CDCA7L: variants seen among roughly 807,000 people sequenced by gnomAD.
CDCA7L encodes the protein cell division cycle-associated 7-like protein.
In CDCA7L, 44 loss-of-function variants were observed where a neutral mutation model predicts 57.4. That is an observed-to-expected ratio of 0.77 (90% CI 0.60 to 0.98). The LOEUF (loss-of-function observed/expected upper bound fraction) is 0.98. Among genes scored for constraint, CDCA7L ranks in the 50% least tolerant of loss-of-function variants. CDCA7L has a pLI of 0.00. For missense variants in CDCA7L, 644 were observed against 580.6 expected, an observed-to-expected ratio of 1.11 and a Z score of -1.12; for synonymous variants, 236 against 202.8, an observed-to-expected ratio of 1.16 and a Z score of -1.39.
intron 4 of CDCA7L, 64 bp downstream of exon 4, chr7:21,908,066 G>A (rs1785194961): frequency 1.3e-6 from 2 of 1,482,220 alleles, no homozygotes; most frequent in Non-Finnish European, 1.8e-6. Context: ...AGTGGTTCTG[G>A]GAGCCCAGCA....
rs549386082 is a variant in CDCA7L, at chr7:21,945,686, G to A, written c.24+95C>T. On this transcript the variant is annotated intron_variant, in intron 1 of 9. Transcript: ENST00000406877. ...CCAGATCCCCAGTGCCGCAGCCAAG[G>A]GCCACGTTTCCAGCCCAAGGCCAGC... The A allele has an allele frequency of 5.8e-4, 874 of 1,500,598 alleles. 8 individuals are homozygous for A. The African/African-American group carries it at 0.011, about 19-fold the overall frequency. The allele number at this position is 1,500,598 out of a possible 1,614,324, so 93.0% of individuals were successfully genotyped here. A position where few individuals can be genotyped will look rare whatever the true frequency, so the allele number is the denominator to read the frequency against.
intron 1 of CDCA7L, among the ~76,000 whole-genome samples, chr7:21,939,424 T>C (rs950592609): frequency 3.9e-5 from 6 of 152,204 alleles, no homozygotes; most frequent in African/African-American, 1.4e-4. Flanking sequence ...TCATTTTAGA[T>C]ATGTATTTAC....
At chr7:21,903,946 G>T (rs780239903) in intron 8 of CDCA7L, 164 bp downstream of exon 8, 4 of 573,248 alleles carry the variant, frequency 7.0e-6, no homozygotes, top group Non-Finnish European at 1.1e-5. Flanking sequence ...CCTTCCAGAA[G>T]GAATCCCTAT....
chr7:21,945,466 G>T, intron 1 of CDCA7L, among the ~76,000 whole-genome samples: 1 of 152,050 alleles, frequency 6.6e-6, no homozygotes, highest in East Asian at 1.9e-4. Context: ...TCTCACGAGG[G>T]CTGCAAACGC....
At chr7:21,910,389 A>T (rs1241415433) in intron 3 of CDCA7L, among the ~76,000 whole-genome samples, 1 of 152,160 alleles carries the variant, frequency 6.6e-6, no homozygotes, top group Non-Finnish European at 1.5e-5. Context: ...CATAGCAAAA[A>T]ATCACTATCA....
chr7:21,904,011 T>G, intron 8 of CDCA7L, 99 bp downstream of exon 8: 2 of 1,163,158 alleles, frequency 1.7e-6, no homozygotes, highest in Admixed American at 3.3e-5. Context: ...ACCAGAGTTC[T>G]GGAGCTCCCT....
In CDCA7L at chr7:21,934,780, AAT is replaced by A. The variant is rs1231863588; in HGVS notation, c.24+10999_24+11000del. Among the ~76,000 whole-genome samples, 3 of 152,328 alleles carry A rather than the reference AAT, an allele frequency of 2.0e-5. No individual in the cohort carries two copies. In the South Asian group the frequency reaches 6.2e-4, roughly 32 times the overall value. ...AAAAGAGAGATGGAGTGGCTATACTAATATGAGACAAAATAGTCAAAAACTGT... is the reference window on the plus strand; with the variant it reads ...AAAAGAGAGATGGAGTGGCTATACTAATGAGACAAAATAGTCAAAAACTGT... On this transcript the variant is annotated intron_variant, in intron 1 of 9. Coordinates refer to ENST00000406877, the MANE Select transcript of CDCA7L (RefSeq NM_018719.5).
chr7:21,920,220 A>C (rs1023309316), intron 1 of CDCA7L, among the ~76,000 whole-genome samples: 1 of 152,214 alleles, frequency 6.6e-6, no homozygotes, highest in African/African-American at 2.4e-5. Context: ...ATGACATTAC[A>C]TTCGCCCTCA....
chr7:21,914,360 G>T (rs1189528792), intron 2 of CDCA7L, among the ~76,000 whole-genome samples: 2 of 152,218 alleles, frequency 1.3e-5, no homozygotes, highest in Admixed American at 1.3e-4. Context: ...CCTTCTTAAG[G>T]AGTTTATAAT....
intron 7 of CDCA7L, among the ~76,000 whole-genome samples, chr7:21,905,304 G>A (rs1023187539): frequency 1.3e-5 from 2 of 152,016 alleles, no homozygotes; most frequent in African/African-American, 2.4e-5. Flanking sequence ...ATCCCTAAGA[G>A]AGACCGCCGT....
intron 1 of CDCA7L, among the ~76,000 whole-genome samples, chr7:21,934,804 CTG>C (rs1786115341): frequency 6.6e-6 from 1 of 152,068 alleles, no homozygotes; most frequent in East Asian, 1.9e-4. Context: ...TAGTCAAAAA[CTG>C]TTGTGAAAGA....
intron 1 of CDCA7L, among the ~76,000 whole-genome samples, chr7:21,937,351 C>T (rs1419059839): frequency 6.6e-6 from 1 of 152,062 alleles, no homozygotes; most frequent in Non-Finnish European, 1.5e-5. Flanking sequence ...AAAAGAAGAA[C>T]AGACCAGGCG....
At chr7:21,903,695 T>C (rs1345927328) in intron 8 of CDCA7L, 1 of 165,360 alleles carries the variant, frequency 6.0e-6, no homozygotes, top group African/African-American at 2.4e-5. Context: ...AACAAATTTA[T>C]GGTAACAGAG....
At chr7:21,938,549 A>T (rs1562638270) in intron 1 of CDCA7L, among the ~76,000 whole-genome samples, 1 of 152,220 alleles carries the variant, frequency 6.6e-6, no homozygotes, top group Non-Finnish European at 1.5e-5. Flanking sequence ...TACTTTTAGG[A>T]ACACACACCC....
At chr7:21,933,344 T>G (rs1444637131) in intron 1 of CDCA7L, among the ~76,000 whole-genome samples, 2 of 152,316 alleles carry the variant, frequency 1.3e-5, no homozygotes, top group Non-Finnish European at 1.5e-5. Flanking sequence ...TAAAGACACA[T>G]GCACATGTAT....
rs77448980 is a variant in CDCA7L, at chr7:21,901,205, A to G, written c.*1117T>C. 122,582 of 1,613,064 alleles carry G rather than the reference A, an allele frequency of 0.076. 5,191 individuals are homozygous for G. Among genetic ancestry groups the G allele is most frequent in the South Asian group, 0.11 (9,686 of 91,026 alleles). Reference sequence around the variant, plus strand: ...ACCTTCAGGCTGAAGAGCGAAGAGAAGACTGCAAAATGGGTTCTGGCTGGA... The same window carrying G: ...ACCTTCAGGCTGAAGAGCGAAGAGAGGACTGCAAAATGGGTTCTGGCTGGA... On this transcript the variant is annotated 3_prime_UTR_variant, in exon 10 of 10. Coordinates refer to ENST00000406877, the MANE Select transcript of CDCA7L (RefSeq NM_018719.5).
At chr7:21,930,491 T>A (rs185445563) in intron 1 of CDCA7L, among the ~76,000 whole-genome samples, 4 of 151,830 alleles carry the variant, frequency 2.6e-5, no homozygotes, top group African/African-American at 9.7e-5. Flanking sequence ...GGTCAGGAGT[T>A]CGAGACCAGC....
In CDCA7L at chr7:21,908,384, G is replaced by T; in HGVS notation, c.427C>A (p.Arg143=). 2 of 1,609,954 alleles carry T rather than the reference G, an allele frequency of 1.2e-6. No homozygotes were observed. The highest frequency in any genetic ancestry group is 1.7e-6 in the Non-Finnish European group (2 of 1,178,962). ...TTGGTGGGGAACTGAAAGGCTACTCGAAGACCAATACTACTTCTTCTAGAC... is the reference window on the plus strand; with the variant it reads ...TTGGTGGGGAACTGAAAGGCTACTCTAAGACCAATACTACTTCTTCTAGAC... ...SRSRRSSIGL[R]VAFQFPTKKL... Residue 143 remains arginine, a synonymous_variant, in exon 4 of 10, where the codon CGA becomes AGA. Transcript: ENST00000406877.
At chr7:21,939,205 T>C (rs956762657) in intron 1 of CDCA7L, among the ~76,000 whole-genome samples, 6 of 152,022 alleles carry the variant, frequency 3.9e-5, no homozygotes, top group African/African-American at 1.2e-4. Context: ...GAAGAGGTCA[T>C]AGGGGTAATT....
Sources: allele counts gnomAD v4.1 joint callset (sites outside exome capture counted in the v4.1 genomes callset), GRCh38; gene constraint gnomAD v4.1.1; transcripts MANE v1.5; gene names NCBI Gene and HGNC (gene_info 2026-07-23, HGNC 2026-07-21).